Variants in SH3GL2 observed in about 807,000 individuals in gnomAD.
SH3GL2 encodes the protein SH3 domain containing GRB2 like 2, endophilin A1.
SH3GL2 carries 24 observed loss-of-function variants against 46.0 expected under a neutral mutation model. The ratio of observed to expected loss-of-function variants is 0.52; its 90% CI spans 0.38 to 0.73. The LOEUF (loss-of-function observed/expected upper bound fraction) is 0.73, where lower values mean the gene tolerates loss of function less well. SH3GL2 is among the 30% of genes least tolerant of loss of function. The pLI is 0.00. For missense variants in SH3GL2, 413 were observed against 424.2 expected (o/e 0.97, Z 0.23); for synonymous variants, 196 against 147.1 (o/e 1.33, Z -2.40).
intron 1 of SH3GL2, among the ~76,000 whole-genome samples, chr9:17,642,997 A>G (rs553398694): frequency 5.0e-4 from 76 of 152,220 alleles, no homozygotes; most frequent in African/African-American, 1.7e-3. Context: ...CATTTTCATG[A>G]TATTGATTCT....
intron 2 of SH3GL2, among the ~76,000 whole-genome samples, chr9:17,754,467 A>G (rs1254054144): frequency 8.6e-5 from 13 of 151,980 alleles, no homozygotes; most frequent in Non-Finnish European, 1.9e-4. Context: ...AGGTCAGGAG[A>G]TCGAGACCAT....
intron 1 of SH3GL2, among the ~76,000 whole-genome samples, chr9:17,670,048 T>G (rs1820435395): frequency 6.6e-6 from 1 of 152,134 alleles, no homozygotes; most frequent in East Asian, 1.9e-4. Flanking sequence ...AGGTGTGTCA[T>G]CTGCATAGGG....
At chr9:17,615,882 G>C (rs1818982715) in intron 1 of SH3GL2, among the ~76,000 whole-genome samples, 1 of 152,040 alleles carries the variant, frequency 6.6e-6, no homozygotes, top group South Asian at 2.1e-4. Flanking sequence ...ATTTGCTCTA[G>C]CAGCTTAAAA....
chr9:17,604,747 A>G (rs1818733117), intron 1 of SH3GL2, among the ~76,000 whole-genome samples: 1 of 152,152 alleles, frequency 6.6e-6, no homozygotes, highest in South Asian at 2.1e-4. Context: ...GAGGGCTGGC[A>G]TCTACTAAGG....
At chr9:17,650,479 C>T (rs1451438456) in intron 1 of SH3GL2, among the ~76,000 whole-genome samples, 2 of 152,100 alleles carry the variant, frequency 1.3e-5, no homozygotes, top group Non-Finnish European at 2.9e-5. Context: ...TCAAGCGATT[C>T]TCCTGCCTCA....
intron 3 of SH3GL2, among the ~76,000 whole-genome samples, chr9:17,771,320 A>G (rs1454870131): frequency 6.6e-6 from 1 of 152,210 alleles, no homozygotes; most frequent in Non-Finnish European, 1.5e-5. Flanking sequence ...GTTTTGAAAC[A>G]TGATAGCAAA....
chr9:17,719,642 A>G (rs78290379), intron 1 of SH3GL2, among the ~76,000 whole-genome samples: 4,492 of 152,056 alleles, frequency 0.03, 88 homozygotes, highest in African/African-American at 0.048. Context: ...AATAAAAAAA[A>G]TTTATCTTGG....
At chr9:17,631,492 C>A (rs1047118491) in intron 1 of SH3GL2, among the ~76,000 whole-genome samples, 2 of 152,130 alleles carry the variant, frequency 1.3e-5, no homozygotes, top group Admixed American at 6.5e-5. Context: ...AGATTTCTGG[C>A]AGTTCTGTAC....
intron 1 of SH3GL2, among the ~76,000 whole-genome samples, chr9:17,670,499 CA>C (rs1459500688): frequency 6.6e-6 from 1 of 152,112 alleles, no homozygotes; most frequent in Non-Finnish European, 1.5e-5. Context: ...CTGGTAGGGC[CA>C]ATAGCTCCTA....
At chr9:17,619,262 A>G (rs759776341) in intron 1 of SH3GL2, among the ~76,000 whole-genome samples, 1 of 152,192 alleles carries the variant, frequency 6.6e-6, no homozygotes, top group African/African-American at 2.4e-5. Context: ...CTGTGTGTAC[A>G]TGGATGTATT....
At chr9:17,579,554 A>G (rs1046577640) in intron 1 of SH3GL2, among the ~76,000 whole-genome samples, 1 of 152,086 alleles carries the variant, frequency 6.6e-6, no homozygotes, top group African/African-American at 2.4e-5. Flanking sequence ...CCGCCCCCGC[A>G]TCATCTCGCG....
At chr9:17,679,189 G>A (rs1188021671) in intron 1 of SH3GL2, among the ~76,000 whole-genome samples, 1 of 152,140 alleles carries the variant, frequency 6.6e-6, no homozygotes, top group South Asian at 2.1e-4. Context: ...GTAGCTTGAT[G>A]GGGATGGCAT....
intron 1 of SH3GL2, among the ~76,000 whole-genome samples, chr9:17,606,816 A>C (rs367724013): frequency 6.6e-6 from 1 of 152,204 alleles, no homozygotes; most frequent in African/African-American, 2.4e-5. Context: ...TAAAATTACA[A>C]AATTCAAGAT....
intron 3 of SH3GL2, among the ~76,000 whole-genome samples, chr9:17,763,554 A>G (rs552832743): frequency 7.9e-5 from 12 of 152,176 alleles, no homozygotes; most frequent in Non-Finnish European, 1.5e-4. Flanking sequence ...ACAAGCTGGA[A>G]GACATGAGGA....
chr9:17,792,645 A>G (rs1018159687), intron 7 of SH3GL2, among the ~76,000 whole-genome samples: 1 of 152,064 alleles, frequency 6.6e-6, no homozygotes, highest in African/African-American at 2.4e-5. Flanking sequence ...CCTCTGTCCA[A>G]ACCTTCTCAT....
chr9:17,733,880 C>A (rs966961351), intron 1 of SH3GL2, among the ~76,000 whole-genome samples: 1 of 151,044 alleles, frequency 6.6e-6, no homozygotes, highest in Non-Finnish European at 1.5e-5. Flanking sequence ...ACAAAAAAAC[C>A]AAACACTGCA....
intron 1 of SH3GL2, among the ~76,000 whole-genome samples, chr9:17,688,999 T>C (rs1358013169): frequency 6.6e-6 from 1 of 152,026 alleles, no homozygotes; most frequent in African/African-American, 2.4e-5. Context: ...GGAGAGTCAC[T>C]TTACAGTGGA....
chr9:17,784,739 A>G (rs1298111454), intron 3 of SH3GL2, among the ~76,000 whole-genome samples: 1 of 152,166 alleles, frequency 6.6e-6, no homozygotes, highest in South Asian at 2.1e-4. Flanking sequence ...TAAAAAAGAG[A>G]CAGGCTCTTG....
At chr9:17,717,855 T>G (rs1167155854) in intron 1 of SH3GL2, among the ~76,000 whole-genome samples, 1 of 152,124 alleles carries the variant, frequency 6.6e-6, no homozygotes. Flanking sequence ...CCATACCCAT[T>G]ATTTTTTTCT....
Sources: gnomAD v4.1 joint callset for allele counts (sites outside exome capture counted in the v4.1 genomes callset) on GRCh38, gnomAD v4.1.1 for gene constraint, MANE v1.5 for transcripts, NCBI Gene and HGNC (gene_info 2026-07-23, HGNC 2026-07-21) for gene names.